The following TMEM161B variants were observed in gnomAD, a reference collection of about 807,000 sequenced individuals.
TMEM161B encodes transmembrane protein 161B.
In TMEM161B, 34 loss-of-function variants were observed where a neutral mutation model predicts 61.8. The observed-to-expected ratio is 0.55, with a 90% CI of 0.42 to 0.73. TMEM161B has a LOEUF of 0.73. TMEM161B is among the 30% of genes least tolerant of loss of function. The pLI, the probability that TMEM161B is intolerant of heterozygous loss-of-function variation, is 0.00. For missense variants in TMEM161B, 456 were observed against 558.5 expected, an observed-to-expected ratio of 0.82 and a Z score of 1.85; for synonymous variants, 167 against 192.8, an observed-to-expected ratio of 0.87 and a Z score of 1.11.
exon 13 of TMEM161B, chr5:88,190,000 G>C: frequency 1.4e-6 from 1 of 695,722 alleles, no homozygotes; most frequent in East Asian, 2.7e-5. Flanking sequence ...ACAAACGCCA[G>C]CCCATTATCT....
chr5:88,213,856 C>G (rs1235155901), intron 5 of TMEM161B, among the ~76,000 whole-genome samples: 1 of 152,162 alleles, frequency 6.6e-6, no homozygotes, highest in Admixed American at 6.5e-5. Flanking sequence ...TACCTTGGCT[C>G]AGATTCAATA....
chr5:88,191,980 GTGTA>G (rs1248201367), downstream of TMEM161B, among the ~76,000 whole-genome samples: 9 of 9,130 alleles, frequency 9.9e-4, no homozygotes, highest in Non-Finnish European at 1.5e-3. Context: ...AAAAAAAAAA[GTGTA>G]TATATATATA....
At chr5:88,218,386 T>A (rs1374156111) in intron 5 of TMEM161B, among the ~76,000 whole-genome samples, 1 of 151,900 alleles carries the variant, frequency 6.6e-6, no homozygotes, top group Non-Finnish European at 1.5e-5. Flanking sequence ...ACACAGGGGA[T>A]GAAAACAGAC....
chr5:88,189,837 C>A, exon 13 of TMEM161B: 2 of 539,692 alleles, frequency 3.7e-6, no homozygotes, highest in South Asian at 4.7e-5. Flanking sequence ...AGCCTGTATC[C>A]ATTTTAATCC....
intron 9 of TMEM161B, chr5:88,201,576 C>G (rs760615938): frequency 6.6e-6 from 1 of 151,998 alleles, no homozygotes; most frequent in South Asian, 2.1e-4. Flanking sequence ...CTTATTTTCT[C>G]AATTTAACTA....
chr5:88,268,646 G>T, intron 1 of TMEM161B, 75 bp downstream of exon 1: 1 of 1,600,708 alleles, frequency 6.2e-7, no homozygotes, highest in Admixed American at 1.7e-5. Flanking sequence ...GCACCTGATG[G>T]CTCTTTTCAC....
At chr5:88,227,231 T>C (rs1349930253) in intron 3 of TMEM161B, among the ~76,000 whole-genome samples, 1 of 152,120 alleles carries the variant, frequency 6.6e-6, no homozygotes, top group Non-Finnish European at 1.5e-5. Context: ...TAGCTATAAA[T>C]GGGTGGAAGG....
At chr5:88,264,488 G>A (rs1402590180) in intron 1 of TMEM161B, among the ~76,000 whole-genome samples, 2 of 152,202 alleles carry the variant, frequency 1.3e-5, no homozygotes, top group Non-Finnish European at 2.9e-5. Context: ...GCTGGTGGGA[G>A]GGTAAATTAG....
intron 4 of TMEM161B, 138 bp downstream of exon 4, chr5:88,225,631 A>G (rs1386402763): frequency 2.0e-6 from 1 of 508,520 alleles, no homozygotes; most frequent in Non-Finnish European, 3.4e-6. Flanking sequence ...TTTAATTCAA[A>G]TGAAGTCATT....
At chr5:88,241,211 C>G (rs1197011832) in intron 1 of TMEM161B, among the ~76,000 whole-genome samples, 1 of 151,550 alleles carries the variant, frequency 6.6e-6, no homozygotes, top group Admixed American at 6.6e-5. Context: ...AATCTAGAGA[C>G]GATTTCAAGT....
intron 5 of TMEM161B, among the ~76,000 whole-genome samples, chr5:88,217,193 G>T (rs1748017993): frequency 1.3e-5 from 2 of 152,248 alleles, no homozygotes; most frequent in African/African-American, 4.8e-5. Flanking sequence ...GGAGTTAGAG[G>T]CTGCAGTGAA....
downstream of TMEM161B, among the ~76,000 whole-genome samples, chr5:88,185,614 G>C (rs1434264021): frequency 6.6e-6 from 1 of 152,130 alleles, no homozygotes; most frequent in African/African-American, 2.4e-5. Flanking sequence ...CAAGAAAGTA[G>C]AGGAAAGCAT....
chr5:88,194,741 C>CAA (rs1749348688), downstream of TMEM161B, among the ~76,000 whole-genome samples: 1 of 151,866 alleles, frequency 6.6e-6, no homozygotes, highest in African/African-American at 2.4e-5. Context: ...AAAGTTATTC[C>CAA]AAAAGAAGAG....
At chr5:88,240,655 CAA>C (rs879496887) in intron 2 of TMEM161B, among the ~76,000 whole-genome samples, 156 bp downstream of exon 2, 1 of 138,944 alleles carries the variant, frequency 7.2e-6, no homozygotes. Context: ...GTCTTGTCTC[CAA>C]AAAAAAAAAA....
intron 1 of TMEM161B, among the ~76,000 whole-genome samples, chr5:88,254,419 G>A (rs776327434): frequency 6.6e-6 from 1 of 152,156 alleles, no homozygotes; most frequent in Non-Finnish European, 1.5e-5. Flanking sequence ...AAAGAAAGGA[G>A]AGGAAGAAGG....
downstream of TMEM161B, among the ~76,000 whole-genome samples, chr5:88,192,559 C>T (rs1749062113): frequency 6.6e-6 from 1 of 152,156 alleles, no homozygotes; most frequent in African/African-American, 2.4e-5. Context: ...ACGAGCTCAG[C>T]TCTAAACCCA....
intron 5 of TMEM161B, among the ~76,000 whole-genome samples, chr5:88,209,207 G>C (rs1746204349): frequency 6.6e-6 from 1 of 152,092 alleles, no homozygotes. Flanking sequence ...CATATTAGAA[G>C]AGGACAAAGA....
At chr5:88,267,369 A>G (rs887770453) in intron 1 of TMEM161B, among the ~76,000 whole-genome samples, 7 of 152,116 alleles carry the variant, frequency 4.6e-5, no homozygotes, top group African/African-American at 1.7e-4. Context: ...CTTTAAAGAG[A>G]TAGGTTATCT....
intron 1 of TMEM161B, among the ~76,000 whole-genome samples, chr5:88,252,442 C>T (rs937658657): frequency 2.6e-5 from 4 of 151,732 alleles, no homozygotes; most frequent in East Asian, 1.9e-4. Flanking sequence ...TTAGATATAG[C>T]GATATATTAA....
Sources: gnomAD v4.1 joint callset for allele counts (sites outside exome capture counted in the v4.1 genomes callset) on GRCh38, gnomAD v4.1.1 for gene constraint, MANE v1.5 for transcripts, NCBI Gene and HGNC (gene_info 2026-07-23, HGNC 2026-07-21) for gene names.